TDP1: variants seen among roughly 807,000 people sequenced by gnomAD.
The protein encoded by TDP1 is tyr-DNA phosphodiesterase 1.
A neutral mutation model predicts 81.5 loss-of-function variants in TDP1; 64 were observed. The ratio of observed to expected loss-of-function variants is 0.79; its 90% CI spans 0.64 to 0.97. TDP1 has a LOEUF of 0.97. Among genes scored for constraint, TDP1 ranks in the 50% least tolerant of loss-of-function variants. The pLI is 0.00. For synonymous variants in TDP1, 256 were observed against 264.3 expected, an observed-to-expected ratio of 0.97 and a Z score of 0.30; for missense variants, 723 against 743.8, an observed-to-expected ratio of 0.97 and a Z score of 0.33.
intron 14 of TDP1, among the ~76,000 whole-genome samples, chr14:89,995,156 A>G (rs994762561): frequency 1.3e-5 from 2 of 152,226 alleles, no homozygotes; most frequent in Non-Finnish European, 2.9e-5. Context: ...TAATAACTGG[A>G]CTGAAAGCTG....
chr14:90,020,569 C>T (rs189407654), intron 15 of TDP1, among the ~76,000 whole-genome samples: 5 of 14,060 alleles, frequency 3.6e-4, no homozygotes, highest in African/African-American at 1.8e-3. Flanking sequence ...CTCCCTCCCT[C>T]CCTTCCTTCC....
At chr14:89,998,595 T>C (rs1896928176) in intron 14 of TDP1, among the ~76,000 whole-genome samples, 1 of 151,330 alleles carries the variant, frequency 6.6e-6, no homozygotes, top group Non-Finnish European at 1.5e-5. Flanking sequence ...TCAAACACTG[T>C]CCTGTAGGGT....
chr14:89,975,475 A>G (rs1894177130), intron 6 of TDP1: 1 of 984,060 alleles, frequency 1.0e-6, no homozygotes, highest in Non-Finnish European at 1.2e-6. Context: ...TTGTTTTACT[A>G]GTTTTTTGTC....
intron 4 of TDP1, chr14:89,967,077 A>G (rs1893027241): frequency 1.0e-6 from 1 of 985,230 alleles, no homozygotes; most frequent in South Asian, 4.7e-5. Context: ...ATTAGACATA[A>G]TGTAATAACA....
At chr14:90,016,078 C>T (rs1885279169) in intron 14 of TDP1, among the ~76,000 whole-genome samples, 1 of 146,946 alleles carries the variant, frequency 6.8e-6, no homozygotes, top group African/African-American at 2.5e-5. Context: ...TTGTTTCGCT[C>T]TTATTGCCCA....
chr14:89,961,873 G>C (rs1255726076), intron 2 of TDP1, among the ~76,000 whole-genome samples: 1 of 152,164 alleles, frequency 6.6e-6, no homozygotes, highest in African/African-American at 2.4e-5. Flanking sequence ...TAAAACAGCA[G>C]AAACTCGAAG....
chr14:90,014,387 C>T (rs2896123), intron 14 of TDP1, among the ~76,000 whole-genome samples: 1 of 152,194 alleles, frequency 6.6e-6, no homozygotes, highest in South Asian at 2.1e-4. Context: ...GGAAGGAAAC[C>T]TACGATGTCT....
rs140058160 is a variant in TDP1 at position 89,963,322 on chromosome 14, T to A, written c.208T>A (p.Ser70Thr). The A allele has an allele frequency of 2.6e-4, 424 of 1,614,050 alleles. No individual in the cohort carries two copies. Among genetic ancestry groups the A allele is most frequent in the Non-Finnish European group, 3.4e-4 (403 of 1,180,034 alleles). Residue 70 changes from serine (S) to threonine (T), a missense_variant, in exon 3 of 17, where the codon TCA (serine) becomes ACA (threonine). By Grantham distance (58) the Ser-to-Thr change is moderately conservative. Coordinates refer to ENST00000335725, the MANE Select transcript of TDP1 (RefSeq NM_018319.4). Reference sequence around the variant, plus strand: ...ACCTGTGAAATTCAGCAATACAGATTCAGTTTTACCTCCCAAAAGGCAGAA... The same window carrying A: ...ACCTGTGAAATTCAGCAATACAGATACAGTTTTACCTCCCAAAAGGCAGAA... The part of the protein sequence containing the change: ...ISPVKFSNTD[S>T]VLPPKRQKSG...
intron 14 of TDP1, among the ~76,000 whole-genome samples, chr14:90,008,304 T>G (rs1029609630): frequency 6.6e-6 from 1 of 152,238 alleles, no homozygotes; most frequent in Non-Finnish European, 1.5e-5. Flanking sequence ...CTAATTTCTT[T>G]AGATCTTTCT....
At chr14:89,966,486 C>T (rs879531255) in intron 4 of TDP1, among the ~76,000 whole-genome samples, 1 of 152,212 alleles carries the variant, frequency 6.6e-6, no homozygotes, top group Non-Finnish European at 1.5e-5. Flanking sequence ...TTTGGGGATA[C>T]TGATTAACTC....
chr14:89,965,909 GT>G (rs1483027916), intron 3 of TDP1: 1 of 976,678 alleles, frequency 1.0e-6, no homozygotes, highest in Non-Finnish European at 1.2e-6. Context: ...CAGTACTGAA[GT>G]TGTAGATTTT....
rs773411248 is a variant in TDP1 at position 89,971,259 on chromosome 14, C to T, written c.744C>T (p.Ile248=). The change falls in exon 6 of 17, where the codon ATC becomes ATT. Residue 248 remains isoleucine, a synonymous_variant. Coordinates refer to ENST00000335725, the MANE Select transcript of TDP1 (RefSeq NM_018319.4). ...CCCAGGCCAAGCCTTACGAGAACAT[C>T]TCTCTCTGCCAGGTAAGCCACTTAC... The part of the protein sequence containing the change: ...LHAQAKPYEN[I]SLCQAKLDIA... 2.5e-6 allele frequency: 4 copies of T among 1,613,502 alleles called. No homozygotes were observed. The African/African-American group carries it at 5.3e-5, about 22-fold the overall frequency.
intron 7 of TDP1, chr14:89,980,195 AT>A (rs1401379130): frequency 2.0e-5 from 20 of 985,320 alleles, no homozygotes; most frequent in African/African-American, 5.2e-5. Flanking sequence ...CATACTTTGA[AT>A]CTCAAACACC....
chr14:89,978,597 A>G (rs1243174946), intron 7 of TDP1, among the ~76,000 whole-genome samples: 1 of 152,216 alleles, frequency 6.6e-6, no homozygotes, highest in Non-Finnish European at 1.5e-5. Flanking sequence ...CCTTATTAAC[A>G]CTACCATTTT....
chr14:89,970,885 C>A, intron 5 of TDP1: 1 of 436,500 alleles, frequency 2.3e-6, no homozygotes, highest in Non-Finnish European at 3.0e-6. Flanking sequence ...GGCACCCAGG[C>A]TGGAGTGCAG....
intron 5 of TDP1, 39 bp from the exon 6 acceptor site, chr14:89,971,136 A>C: frequency 6.4e-7 from 1 of 1,567,642 alleles, no homozygotes; most frequent in East Asian, 2.2e-5. Context: ...GAGCCTGGCC[A>C]TGAATGATGT....
At chr14:89,992,065 AAAAGGAACTT>A (rs1566883334) in intron 13 of TDP1, 82 bp downstream of exon 13, 51 of 1,079,070 alleles carry the variant, frequency 4.7e-5, no homozygotes, top group Non-Finnish European at 6.7e-5. Context: ...TTTTTTTTTT[AAAAGGAACTT>A]TATGTAATAT....
In TDP1 at chr14:89,991,945, G is replaced by A; in HGVS notation, c.1395G>A (p.Gln465=). 1 of 1,612,456 alleles carries A rather than the reference G, an allele frequency of 6.2e-7. No homozygotes were observed. Among genetic ancestry groups the A allele is most frequent in the South Asian group, 1.1e-5 (1 of 90,858 alleles). The change falls in exon 13 of 17, where the codon CAG becomes CAA. Residue 465 remains glutamine (Q), a synonymous_variant. Coordinates refer to ENST00000335725, the MANE Select transcript of TDP1 (RefSeq NM_018319.4). ...PAGGSLPYSI[Q]TAEKQNWLHS... The stretch of plus-strand genomic sequence containing the variant: ...GGGGCTCTCTTCCCTATAGCATCCA[G>A]ACAGCTGAAAAACAGAATTGGCTGC...
chr14:90,003,359 A>G (rs1341391102), intron 14 of TDP1, among the ~76,000 whole-genome samples: 4 of 152,224 alleles, frequency 2.6e-5, no homozygotes, highest in Non-Finnish European at 5.9e-5. Flanking sequence ...TTAGGATGTT[A>G]TATTAGCTGG....
Sources: gnomAD v4.1 joint callset for allele counts (sites outside exome capture counted in the v4.1 genomes callset) on GRCh38, gnomAD v4.1.1 for gene constraint, MANE v1.5 for transcripts, NCBI Gene and HGNC (gene_info 2026-07-23, HGNC 2026-07-21) for gene names.